Variants in PARD3B observed in about 807,000 individuals in gnomAD.
PARD3B encodes par-3 family cell polarity regulator beta.
PARD3B carries 103 observed loss-of-function variants against 130.2 expected under a neutral mutation model. The observed-to-expected ratio is 0.79, with a 90% confidence interval of 0.67 to 0.93. The LOEUF (loss-of-function observed/expected upper bound fraction) is 0.93, where lower values mean the gene tolerates loss of function less well. Ranked by LOEUF, PARD3B falls within the 40% of genes least tolerant of loss-of-function variation. The probability of loss-of-function intolerance (pLI) is 0.00; values close to 1 mark genes in which losing one functional copy is unlikely to be tolerated. For synonymous variants in PARD3B, 583 were observed against 553.2 expected (o/e 1.05, Z -0.76); for missense variants, 1,609 against 1,499.2 (o/e 1.07, Z -1.21).
intron 1 of PARD3B, among the ~76,000 whole-genome samples, chr2:204,680,535 T>A (rs544150831): frequency 3.3e-5 from 5 of 152,196 alleles, no homozygotes; most frequent in Non-Finnish European, 7.4e-5. Flanking sequence ...TGTTTTTTTA[T>A]TTCATTGTTC....
At chr2:204,728,611 G>T (rs2039345360) in intron 2 of PARD3B, among the ~76,000 whole-genome samples, 2 of 3,756 alleles carry the variant, frequency 5.3e-4, no homozygotes, top group Admixed American at 0.011. Context: ...ATGCTCACTT[G>T]ATTTTTTTCC....
intron 1 of PARD3B, among the ~76,000 whole-genome samples, chr2:204,656,881 T>A (rs933714421): frequency 6.6e-6 from 1 of 152,208 alleles, no homozygotes; most frequent in Non-Finnish European, 1.5e-5. Context: ...AAGCAGCTCC[T>A]GTGTTATTTC....
rs368395071 is a variant in PARD3B, at chr2:204,545,895, G to C, written c.-105G>C. ...AGGGTGTTCCGGGGAGCGGCGCCCC[G>C]GGTCTCTGGGCCCACCCGCCCCGGG... On this transcript the variant is annotated 5_prime_UTR_variant, in exon 1 of 23. Transcript: ENST00000406610. The C allele has an allele frequency of 3.1e-6, 4 of 1,284,306 alleles. No homozygotes were observed. The highest frequency in any genetic ancestry group is 4.1e-6 in the Non-Finnish European group (4 of 981,942). The allele number at this position is 1,284,306 out of a possible 1,614,324, so 79.6% of individuals were successfully genotyped here. A position where few individuals can be genotyped will look rare whatever the true frequency, so the allele number is the denominator to read the frequency against.
At chr2:205,019,093 T>C (rs963663756) in intron 3 of PARD3B, among the ~76,000 whole-genome samples, 2 of 152,158 alleles carry the variant, frequency 1.3e-5, no homozygotes, top group Admixed American at 6.6e-5. Flanking sequence ...ATTTGAACGA[T>C]GCCAGAAAGA....
chr2:205,451,258 G>A (rs1439919413), intron 20 of PARD3B, among the ~76,000 whole-genome samples: 2 of 152,188 alleles, frequency 1.3e-5, no homozygotes, highest in Non-Finnish European at 2.9e-5. Flanking sequence ...AATGGCCAAT[G>A]GAATGTGCTA....
intron 18 of PARD3B, among the ~76,000 whole-genome samples, chr2:205,355,425 G>A (rs2044156550): frequency 6.6e-6 from 1 of 152,066 alleles, no homozygotes; most frequent in South Asian, 2.1e-4. Context: ...AAAATGATAA[G>A]GCCAAAATTA....
At chr2:205,547,728 T>C (rs2052438188) in intron 21 of PARD3B, among the ~76,000 whole-genome samples, 1 of 152,194 alleles carries the variant, frequency 6.6e-6, no homozygotes, top group Non-Finnish European at 1.5e-5. Context: ...ATGTTACAGC[T>C]GCTAAAGCTG....
intron 1 of PARD3B, among the ~76,000 whole-genome samples, chr2:204,598,608 A>G (rs2033389089): frequency 6.6e-6 from 1 of 152,132 alleles, no homozygotes; most frequent in African/African-American, 2.4e-5. Context: ...TATATATGCT[A>G]AATTAAATGT....
intron 18 of PARD3B, among the ~76,000 whole-genome samples, chr2:205,312,502 A>C (rs1195990580): frequency 6.6e-6 from 1 of 152,196 alleles, no homozygotes; most frequent in Non-Finnish European, 1.5e-5. Context: ...TGACCATGGC[A>C]AAAAATAGAA....
intron 18 of PARD3B, among the ~76,000 whole-genome samples, chr2:205,360,741 G>A (rs2044359029): frequency 6.6e-6 from 1 of 152,150 alleles, no homozygotes; most frequent in Non-Finnish European, 1.5e-5. Context: ...TAGCTTTGTG[G>A]CAGCTGCTAA....
intron 20 of PARD3B, among the ~76,000 whole-genome samples, chr2:205,459,491 G>A (rs1265739775): frequency 6.6e-6 from 1 of 152,112 alleles, no homozygotes; most frequent in East Asian, 1.9e-4. Flanking sequence ...AAAGTAACAT[G>A]AATAGGGCCT....
chr2:205,213,958 T>G (rs1159677051), intron 15 of PARD3B, among the ~76,000 whole-genome samples: 2 of 152,144 alleles, frequency 1.3e-5, no homozygotes, highest in African/African-American at 4.8e-5. Flanking sequence ...GTTTAGGTCA[T>G]GTGAATTCAC....
At chr2:204,562,895 T>C (rs990477162) in intron 1 of PARD3B, among the ~76,000 whole-genome samples, 5 of 152,326 alleles carry the variant, frequency 3.3e-5, no homozygotes, top group Non-Finnish European at 5.9e-5. Flanking sequence ...TGTTTCACTT[T>C]TGTCTGTGGC....
chr2:204,714,657 G>A (rs2038635020), intron 2 of PARD3B, among the ~76,000 whole-genome samples: 1 of 152,084 alleles, frequency 6.6e-6, no homozygotes, highest in Non-Finnish European at 1.5e-5. Flanking sequence ...ATGCACATAA[G>A]TACTCCAGAT....
intron 3 of PARD3B, among the ~76,000 whole-genome samples, chr2:204,989,618 G>A (rs1375011506): frequency 6.6e-6 from 1 of 151,846 alleles, no homozygotes; most frequent in Non-Finnish European, 1.5e-5. Context: ...TCATTCCTTT[G>A]CTTTTCTTTA....
At chr2:204,970,163 T>C (rs539334349) in intron 3 of PARD3B, among the ~76,000 whole-genome samples, 1 of 152,300 alleles carries the variant, frequency 6.6e-6, no homozygotes, top group African/African-American at 2.4e-5. Flanking sequence ...CCTTCATGAT[T>C]AGTACCTGAC....
At chr2:205,610,272 C>CAA (rs985579169) in intron 22 of PARD3B, among the ~76,000 whole-genome samples, 10 of 152,202 alleles carry the variant, frequency 6.6e-5, no homozygotes, top group Non-Finnish European at 1.2e-4. Context: ...CATCAGCCCT[C>CAA]AAGCCCAGGT....
intron 4 of PARD3B, among the ~76,000 whole-genome samples, chr2:205,051,621 T>C (rs370011983): frequency 1.3e-5 from 2 of 152,230 alleles, no homozygotes; most frequent in Admixed American, 6.5e-5. Flanking sequence ...AGAGTTTTCA[T>C]TGATGCCCAG....
chr2:204,841,769 C>G (rs1361671445), intron 2 of PARD3B, among the ~76,000 whole-genome samples: 2 of 151,880 alleles, frequency 1.3e-5, no homozygotes, highest in East Asian at 3.9e-4. Context: ...GATCTTTGTC[C>G]CTTTTAAATA....
Sources: gnomAD v4.1 joint callset for allele counts (sites outside exome capture counted in the v4.1 genomes callset) on GRCh38, gnomAD v4.1.1 for gene constraint, MANE v1.5 for transcripts, NCBI Gene and HGNC (gene_info 2026-07-23, HGNC 2026-07-21) for gene names.